PALLD: variants seen among roughly 807,000 people sequenced by gnomAD.
PALLD encodes the protein palladin, cytoskeletal associated protein.
In PALLD, 61 loss-of-function variants were observed where a neutral mutation model predicts 123.5. That is an observed-to-expected ratio of 0.49 (90% confidence interval 0.40 to 0.61). The LOEUF (loss-of-function observed/expected upper bound fraction) is 0.61. Ranked by LOEUF, PALLD falls within the 20% of genes least tolerant of loss-of-function variation. PALLD has a pLI of 0.00. For missense variants in PALLD, 1,273 were observed against 1,377.0 expected (o/e 0.92, Z 1.20); for synonymous variants, 465 against 496.4 (o/e 0.94, Z 0.84).
chr4:168,921,487 ACT>A (rs1037012215), intron 17 of PALLD, 45 bp from the exon 18 acceptor site: 10 of 1,305,696 alleles, frequency 7.7e-6, no homozygotes, highest in Non-Finnish European at 1.1e-5. Context: ...CAGTGATTTC[ACT>A]CTGTTTTAAT....
intron 2 of PALLD, among the ~76,000 whole-genome samples, chr4:168,596,597 C>G (rs1248335883): frequency 2.6e-5 from 4 of 151,882 alleles, no homozygotes; most frequent in Non-Finnish European, 2.9e-5. Flanking sequence ...CCCATGGAGG[C>G]AGCAGCATAG....
rs138822172 is a variant in PALLD, at chr4:168,633,280, T to G, written c.909-34910T>G. On this transcript the variant is annotated intron_variant, in intron 2 of 21. Coordinates refer to ENST00000505667, the MANE Select transcript of PALLD (RefSeq NM_001166108.2). The stretch of plus-strand genomic sequence containing the variant: ...GGCAAACAGGTTATTTTCAGTAACC[T>G]AAGACTCTTACATTTCCCCCCGCGG... 2.0e-4 allele frequency among the ~76,000 whole-genome samples: 31 copies of G among 152,306 alleles called. 1 individual carries two copies. Among genetic ancestry groups the G allele is most frequent in the African/African-American group, 5.8e-4 (24 of 41,566 alleles).
chr4:168,645,158 A>G (rs2723701), intron 2 of PALLD, among the ~76,000 whole-genome samples: 18,489 of 151,948 alleles, frequency 0.12, 1,223 homozygotes, highest in Non-Finnish European at 0.15. Context: ...ATCTTCCACT[A>G]AATATCAGTA....
intron 10 of PALLD, among the ~76,000 whole-genome samples, chr4:168,760,168 C>T (rs1196310852): frequency 6.6e-6 from 1 of 152,142 alleles, no homozygotes; most frequent in Non-Finnish European, 1.5e-5. Context: ...GTCCTCATTG[C>T]AAATCTCCTC....
intron 17 of PALLD, among the ~76,000 whole-genome samples, chr4:168,918,600 G>C (rs1310715336): frequency 6.6e-6 from 1 of 152,108 alleles, no homozygotes; most frequent in Non-Finnish European, 1.5e-5. Context: ...ATAAGTTCAA[G>C]AGATCTGTTG....
intron 2 of PALLD, among the ~76,000 whole-genome samples, chr4:168,533,797 G>A (rs979885514): frequency 2.6e-5 from 4 of 152,094 alleles, no homozygotes; most frequent in South Asian, 2.1e-4. Context: ...CCAGTGCTGC[G>A]GGAGAAGGAG....
At chr4:168,626,793 C>T (rs920308326) in intron 2 of PALLD, among the ~76,000 whole-genome samples, 3 of 151,412 alleles carry the variant, frequency 2.0e-5, no homozygotes, top group African/African-American at 7.3e-5. Flanking sequence ...GAAAATCCTG[C>T]CACATGCCAC....
chr4:168,918,303 T>C (rs1382917473), intron 17 of PALLD, among the ~76,000 whole-genome samples: 1 of 149,182 alleles, frequency 6.7e-6, no homozygotes, highest in Non-Finnish European at 1.5e-5. Context: ...TGTCAACAGA[T>C]GAATGAATAA....
chr4:168,550,181 TA>T (rs1313531491), intron 2 of PALLD, among the ~76,000 whole-genome samples: 1 of 152,180 alleles, frequency 6.6e-6, no homozygotes, highest in Non-Finnish European at 1.5e-5. Flanking sequence ...GGATTGGAAC[TA>T]AAGCACACTT....
At chr4:168,747,148 G>C (rs1730432447) in intron 10 of PALLD, among the ~76,000 whole-genome samples, 1 of 152,244 alleles carries the variant, frequency 6.6e-6, no homozygotes, top group African/African-American at 2.4e-5. Flanking sequence ...GCAGATAGCT[G>C]TAATTACTAC....
chr4:168,625,506 T>TAGATAGATAGATAG (rs1351750406), intron 2 of PALLD, among the ~76,000 whole-genome samples: 30 of 86,218 alleles, frequency 3.5e-4, no homozygotes, highest in East Asian at 1.8e-3. Flanking sequence ...CCAGGAGATA[T>TAGATAGATAGATAG]ATATATATAT....
chr4:168,924,369 T>C lies in PALLD; in HGVS notation c.3173T>C (p.Ile1058Thr). ...GTATTGGGAGTGCCACCACCTCAGA[T>C]ATTTTGGAAGAAAGAAAATGAATCA... ...CRVLGVPPPQ[I>T]FWKKENESLT... is the part of the protein sequence containing the mutation. The change falls in exon 19 of 22, where the codon ATA becomes ACA. Residue 1058 changes from isoleucine (I) to threonine (T), a missense_variant. Coordinates refer to ENST00000505667, the MANE Select transcript of PALLD (RefSeq NM_001166108.2). 6.2e-7 allele frequency: 1 copy of C among 1,614,042 alleles called. No individual in the cohort carries two copies. Among genetic ancestry groups the C allele is most frequent in the East Asian group, 2.2e-5 (1 of 44,862 alleles).
chr4:168,904,210 A>C (rs926131389), intron 15 of PALLD: 1 of 335,468 alleles, frequency 3.0e-6, no homozygotes, highest in Admixed American at 4.0e-5. Context: ...CTATGGTAAA[A>C]AATAAGCAAT....
chr4:168,537,061 G>T (rs10034524), intron 2 of PALLD, among the ~76,000 whole-genome samples: 2 of 152,116 alleles, frequency 1.3e-5, no homozygotes, highest in African/African-American at 4.8e-5. Context: ...TCCTGACCTT[G>T]TGATCCGCTG....
At chr4:168,693,806 GT>G in intron 8 of PALLD, among the ~76,000 whole-genome samples, 1 of 152,154 alleles carries the variant, frequency 6.6e-6, no homozygotes, top group African/African-American at 2.4e-5. Flanking sequence ...CTTTTACAGC[GT>G]TAAAATGCTG....
intron 10 of PALLD, chr4:168,829,264 G>A (rs763634604): frequency 8.9e-5 from 13 of 146,720 alleles, no homozygotes; most frequent in East Asian, 5.9e-4. Flanking sequence ...GCATCTTTCC[G>A]GGCACCTGTA....
At chr4:168,579,382 C>T (rs1027899156) in intron 2 of PALLD, among the ~76,000 whole-genome samples, 4 of 152,184 alleles carry the variant, frequency 2.6e-5, no homozygotes, top group South Asian at 2.1e-4. Context: ...CAAATGCATC[C>T]AATTGCTAAA....
At chr4:168,628,887 G>T (rs1164994088) in intron 2 of PALLD, among the ~76,000 whole-genome samples, 1 of 152,216 alleles carries the variant, frequency 6.6e-6, no homozygotes, top group Non-Finnish European at 1.5e-5. Flanking sequence ...GTGGCATGAA[G>T]TAGGTCTTCA....
At chr4:168,557,063 A>T (rs1189862883) in intron 2 of PALLD, among the ~76,000 whole-genome samples, 4 of 90,574 alleles carry the variant, frequency 4.4e-5, no homozygotes, top group Non-Finnish European at 7.9e-5. Flanking sequence ...TTTTGTTTTG[A>T]GACAGAGTCT....
Sources: allele counts gnomAD v4.1 joint callset (sites outside exome capture counted in the v4.1 genomes callset), GRCh38; gene constraint gnomAD v4.1.1; transcripts MANE v1.5; gene names NCBI Gene and HGNC (gene_info 2026-07-23, HGNC 2026-07-21).